The following XIRP2 variants were observed in gnomAD, a reference collection of about 807,000 sequenced individuals.
XIRP2 encodes xin actin binding repeat containing 2.
A neutral mutation model predicts 277.0 loss-of-function variants in XIRP2; 236 were observed. That is an observed-to-expected ratio of 0.85 (90% CI 0.77 to 0.95). The LOEUF is 0.95. XIRP2 is among the 40% of genes least tolerant of loss of function. The probability of loss-of-function intolerance (pLI) is 0.00; values close to 1 mark genes in which losing one functional copy is unlikely to be tolerated. For synonymous variants in XIRP2, 1,490 were observed against 1,416.5 expected (o/e 1.05, Z -1.17); for missense variants, 4,640 against 4,157.5 (o/e 1.12, Z -3.19).
Position 167,246,507 on chromosome 2 carries a change from T to C in XIRP2, c.5115T>C (p.Arg1705=), listed in dbSNP as rs1468562240. The C allele has an allele frequency of 1.2e-6, 2 of 1,613,662 alleles. No individual in the cohort carries two copies. The highest frequency in any genetic ancestry group is 1.7e-6 in the Non-Finnish European group (2 of 1,179,788). ...AAAATGATGGTGACACAATTGAGCG[T>C]GAAGAAGTAATAGGTGGTGATGTCA... ...LHENDGDTIE[R]EEVIGGDVKR... Residue 1705 remains arginine, a synonymous_variant, in exon 9 of 11, where the codon CGT becomes CGC. Coordinates refer to ENST00000409195, the MANE Select transcript of XIRP2 (RefSeq NM_152381.6).
intron 2 of XIRP2, among the ~76,000 whole-genome samples, chr2:167,084,110 A>G (rs886685989): frequency 1.3e-5 from 2 of 152,088 alleles, no homozygotes; most frequent in Admixed American, 6.6e-5. Context: ...TTTGAAATAC[A>G]TCCCATCAAT....
intron 2 of XIRP2, among the ~76,000 whole-genome samples, chr2:167,047,823 G>A (rs963994962): frequency 1.3e-5 from 2 of 151,802 alleles, no homozygotes; most frequent in Admixed American, 6.6e-5. Context: ...CAAAGGCAGT[G>A]GAACAAAGTG....
At chr2:167,052,794 A>G (rs1267352895) in intron 2 of XIRP2, among the ~76,000 whole-genome samples, 1 of 152,168 alleles carries the variant, frequency 6.6e-6, no homozygotes, top group Non-Finnish European at 1.5e-5. Context: ...AGACAAAATC[A>G]TTGTTTCTAG....
At chr2:167,113,894 A>T (rs1237155561) in intron 2 of XIRP2, among the ~76,000 whole-genome samples, 1 of 152,138 alleles carries the variant, frequency 6.6e-6, no homozygotes, top group African/African-American at 2.4e-5. Flanking sequence ...TCCTTCACTT[A>T]TGAAGCTTCG....
At chr2:167,048,978 C>T (rs1462722824) in intron 2 of XIRP2, among the ~76,000 whole-genome samples, 1 of 151,926 alleles carries the variant, frequency 6.6e-6, no homozygotes, top group Non-Finnish European at 1.5e-5. Flanking sequence ...GAAAGCCCTA[C>T]TAGTCTTTCA....
chr2:166,981,984 T>C (rs888048584), intron 2 of XIRP2, among the ~76,000 whole-genome samples: 2 of 152,190 alleles, frequency 1.3e-5, no homozygotes, highest in Admixed American at 6.5e-5. Flanking sequence ...CATAGTTTCT[T>C]TTAACTCAGC....
At chr2:166,949,738 C>A (rs912419326) in intron 2 of XIRP2, among the ~76,000 whole-genome samples, 4 of 151,980 alleles carry the variant, frequency 2.6e-5, no homozygotes, top group African/African-American at 9.7e-5. Flanking sequence ...AGGACCAGAT[C>A]ATCAGTCAAG....
chr2:167,258,545 C>T lies in XIRP2; in HGVS notation c.*728C>T. The T allele has an allele frequency of 6.2e-7, 1 of 1,612,894 alleles. No individual in the cohort carries two copies. The highest frequency in any genetic ancestry group is 8.5e-7 in the Non-Finnish European group (1 of 1,179,476). Reference sequence around the variant, plus strand: ...TAATGACAACAATAATGTGATTGTGCAGAGTGCTGAAAAGGAGAAAAATGA... The same window carrying T: ...TAATGACAACAATAATGTGATTGTGTAGAGTGCTGAAAAGGAGAAAAATGA... On this transcript the variant is annotated 3_prime_UTR_variant, in exon 11 of 11. Transcript: ENST00000409195.
intron 3 of XIRP2, among the ~76,000 whole-genome samples, chr2:167,161,065 C>T (rs1692348765): frequency 6.6e-6 from 1 of 152,194 alleles, no homozygotes; most frequent in Admixed American, 6.5e-5. Flanking sequence ...AAATGATCTC[C>T]TTTGACTCCC....
chr2:166,965,025 T>G (rs1322160134), intron 2 of XIRP2, among the ~76,000 whole-genome samples: 1 of 151,854 alleles, frequency 6.6e-6, no homozygotes, highest in Non-Finnish European at 1.5e-5. Context: ...ACATCATCAG[T>G]TGCCCACCAC....
chr2:167,250,497 G>A lies in XIRP2; in HGVS notation c.9105G>A (p.Met3035Ile), dbSNP rs763581141. The A allele has an allele frequency of 4.3e-6, 7 of 1,613,446 alleles. No homozygotes were observed. In the Admixed American group the frequency reaches 5.0e-5, roughly 12 times the overall value. ...SYENIIQTAM[M>I]SSKTGKPGNK... ...AAAATATAATTCAGACAGCCATGAT[G>A]TCCTCCAAAACAGGAAAACCGGGAA... The change falls in exon 9 of 11, where the codon ATG becomes ATA. Residue 3035 changes from methionine to isoleucine, a missense_variant. Met to Ile is a conservative substitution (Grantham distance 10). Transcript: ENST00000409195.
In XIRP2 at chr2:167,212,239, C is replaced by T. The variant is rs572401382; in HGVS notation, c.723+1344C>T. ...TATAGTACCTCCTGCCAGTCTTCTT[C>T]GATGGCACCCCCTACTGGATCATTG... is the stretch of plus-strand genomic sequence containing the variant. On this transcript the variant is annotated intron_variant, in intron 4 of 10. Coordinates refer to ENST00000409195, the MANE Select transcript of XIRP2 (RefSeq NM_152381.6). Among the ~76,000 whole-genome samples the T allele has an allele frequency of 3.3e-5, 5 of 152,280 alleles. No individual in the cohort carries two copies. The South Asian group carries it at 1.0e-3, about 32-fold the overall frequency.
At chr2:166,927,553 T>C (rs918591286) in intron 2 of XIRP2, among the ~76,000 whole-genome samples, 1 of 152,154 alleles carries the variant, frequency 6.6e-6, no homozygotes, top group Non-Finnish European at 1.5e-5. Flanking sequence ...CCAGCAATAA[T>C]GTGTTGAGTT....
rs117494906 is a variant in XIRP2, at chr2:167,107,962, G to C, written c.409-27947G>C. On this transcript the variant is annotated intron_variant, in intron 2 of 10. Transcript: ENST00000409195. ...CCTATTGAATGAGTTTTGATATTTA[G>C]TGCATTTCAATGAATTAGTTTGTAT... Among the ~76,000 whole-genome samples the C allele has an allele frequency of 1.3e-3, 201 of 151,530 alleles. 7 individuals are homozygous for C. In the East Asian group the frequency reaches 0.034, roughly 26 times the overall value.
intron 3 of XIRP2, among the ~76,000 whole-genome samples, chr2:167,178,409 G>C (rs574730640): frequency 2.1e-4 from 32 of 152,052 alleles, no homozygotes; most frequent in Non-Finnish European, 3.7e-4. Context: ...AGTATAATGT[G>C]AGCTTTTAAA....
intron 2 of XIRP2, among the ~76,000 whole-genome samples, chr2:167,130,381 A>G (rs187386335): frequency 3.9e-5 from 6 of 152,188 alleles, no homozygotes; most frequent in African/African-American, 1.4e-4. Context: ...TCTGCCTTCA[A>G]GTCCTTCCAT....
chr2:167,242,457 C>A, intron 8 of XIRP2, 112 bp from the exon 9 acceptor site: 1 of 1,104,802 alleles, frequency 9.1e-7, no homozygotes, highest in Non-Finnish European at 1.3e-6. Context: ...CATATTGTTC[C>A]CAATGGAGAT....
At chr2:167,155,246 T>G (rs1177384874) in intron 3 of XIRP2, among the ~76,000 whole-genome samples, 1 of 151,832 alleles carries the variant, frequency 6.6e-6, no homozygotes, top group Non-Finnish European at 1.5e-5. Flanking sequence ...ACTCATTTTA[T>G]GAGGCCAGCA....
At chr2:166,888,726 AGC>A (rs1424898292) in intron 1 of XIRP2, among the ~76,000 whole-genome samples, 169 bp downstream of exon 1, 1 of 152,204 alleles carries the variant, frequency 6.6e-6, no homozygotes, top group African/African-American at 2.4e-5. Context: ...AATTCAGGCT[AGC>A]GCTTAGTGAC....
Sources: allele counts gnomAD v4.1 joint callset (sites outside exome capture counted in the v4.1 genomes callset), GRCh38; gene constraint gnomAD v4.1.1; transcripts MANE v1.5; gene names NCBI Gene and HGNC (gene_info 2026-07-23, HGNC 2026-07-21).